FER1L6: variants seen among roughly 807,000 people sequenced by gnomAD.
FER1L6 encodes the protein fer-1-like protein 6.
FER1L6 carries 177 observed loss-of-function variants against 219.2 expected under a neutral mutation model. That is an observed-to-expected ratio of 0.81 (90% confidence interval 0.71 to 0.91). The LOEUF is 0.91. Among genes scored for constraint, FER1L6 ranks in the 40% least tolerant of loss-of-function variants. The probability of loss-of-function intolerance (pLI) is 0.00; values close to 1 mark genes in which losing one functional copy is unlikely to be tolerated. For synonymous variants in FER1L6, 768 were observed against 824.3 expected (o/e 0.93, Z 1.17); for missense variants, 2,153 against 2,259.9 (o/e 0.95, Z 0.96).
chr8:124,102,538 G>A (rs1325757488), intron 38 of FER1L6, among the ~76,000 whole-genome samples: 4 of 152,152 alleles, frequency 2.6e-5, no homozygotes, highest in Non-Finnish European at 5.9e-5. Context: ...TATATGCTCT[G>A]AATTTTCCAT....
intron 1 of FER1L6, among the ~76,000 whole-genome samples, chr8:123,896,803 A>G (rs61030560): frequency 0.39 from 59,424 of 151,926 alleles, 11,948 homozygotes; most frequent in African/African-American, 0.44. Flanking sequence ...CTGATAACTC[A>G]CAAACTCATG....
intron 12 of FER1L6, among the ~76,000 whole-genome samples, chr8:123,999,918 A>G (rs1016913357): frequency 6.6e-6 from 1 of 152,168 alleles, no homozygotes; most frequent in African/African-American, 2.4e-5. Context: ...TGTGCACCCC[A>G]AGTCCACTGT....
intron 18 of FER1L6, among the ~76,000 whole-genome samples, chr8:124,030,163 AC>A (rs1478071789): frequency 6.6e-6 from 1 of 152,020 alleles, no homozygotes; most frequent in Non-Finnish European, 1.5e-5. Flanking sequence ...AACATCTTTA[AC>A]TTTTTAAGCC....
At chr8:123,994,146 G>A (rs1817007733) in intron 12 of FER1L6, among the ~76,000 whole-genome samples, 1 of 152,230 alleles carries the variant, frequency 6.6e-6, no homozygotes, top group African/African-American at 2.4e-5. Flanking sequence ...CTGCAGTGGT[G>A]GTGGTGGGAT....
chr8:123,958,827 T>C (rs949969467), intron 2 of FER1L6, among the ~76,000 whole-genome samples: 1 of 151,554 alleles, frequency 6.6e-6, no homozygotes, highest in African/African-American at 2.4e-5. Flanking sequence ...GGGAGCCCAC[T>C]GGGCGATGGG....
At chr8:123,966,418 G>A in intron 5 of FER1L6, 128 bp downstream of exon 5, 1 of 1,183,564 alleles carries the variant, frequency 8.4e-7, no homozygotes, top group Admixed American at 2.5e-5. Flanking sequence ...TTAAGCCCAT[G>A]GCAAACTGAT....
chr8:124,081,069 T>TTAAG (rs1409327312), intron 32 of FER1L6, among the ~76,000 whole-genome samples: 2 of 151,952 alleles, frequency 1.3e-5, no homozygotes, highest in East Asian at 3.9e-4. Context: ...AGTGTCAGGG[T>TTAAG]TAAGTGGATC....
chr8:124,082,086 T>G (rs963260629), intron 32 of FER1L6, among the ~76,000 whole-genome samples: 1 of 152,184 alleles, frequency 6.6e-6, no homozygotes, highest in African/African-American at 2.4e-5. Context: ...GATTATTGGC[T>G]ATTTGAAATT....
chr8:123,941,868 T>G (rs1814256307), intron 1 of FER1L6, among the ~76,000 whole-genome samples: 1 of 152,092 alleles, frequency 6.6e-6, no homozygotes, highest in Non-Finnish European at 1.5e-5. Context: ...GGGTTCCAGC[T>G]CTTGCAGTGC....
At chr8:124,087,976 G>A (rs935994940) in intron 33 of FER1L6, among the ~76,000 whole-genome samples, 2 of 152,122 alleles carry the variant, frequency 1.3e-5, no homozygotes, top group African/African-American at 4.8e-5. Context: ...GCTGGGGGAG[G>A]GGTGACACAC....
chr8:124,073,894 G>T (rs1821176321), intron 31 of FER1L6, among the ~76,000 whole-genome samples: 1 of 152,216 alleles, frequency 6.6e-6, no homozygotes. Flanking sequence ...GATGTGACAA[G>T]AAGAAATGGG....
intron 10 of FER1L6, among the ~76,000 whole-genome samples, chr8:123,980,128 A>G (rs566791257): frequency 6.6e-6 from 1 of 152,318 alleles, no homozygotes; most frequent in African/African-American, 2.4e-5. Flanking sequence ...TTTGTTCTCC[A>G]GCAGGCTCTG....
At chr8:123,993,886 C>T (rs896675673) in intron 12 of FER1L6, among the ~76,000 whole-genome samples, 1 of 152,182 alleles carries the variant, frequency 6.6e-6, no homozygotes, top group Non-Finnish European at 1.5e-5. Context: ...GATGTAGACT[C>T]TGTGAGATTC....
chr8:123,903,117 A>G (rs926625019), intron 1 of FER1L6, among the ~76,000 whole-genome samples: 2 of 152,108 alleles, frequency 1.3e-5, no homozygotes, highest in Non-Finnish European at 2.9e-5. Context: ...ATTGTTGCCA[A>G]TTTTAATGTT....
At chr8:124,062,847 C>A (rs73328397) in intron 25 of FER1L6, among the ~76,000 whole-genome samples, 3,660 of 141,396 alleles carry the variant, frequency 0.026, 132 homozygotes, top group African/African-American at 0.086. Flanking sequence ...GCGCCAGGGG[C>A]CACTCCAGAG....
At chr8:123,958,380 C>T (rs949731089) in intron 2 of FER1L6, among the ~76,000 whole-genome samples, 4 of 152,110 alleles carry the variant, frequency 2.6e-5, no homozygotes, top group African/African-American at 4.8e-5. Flanking sequence ...CAGCAGGAGG[C>T]GTGGGAGGGA....
chr8:124,039,911 A>G lies in FER1L6; in HGVS notation c.2494A>G (p.Met832Val), dbSNP rs751111253. Reference sequence around the variant, plus strand: ...GCATGTTTTTCAGCTGAGGGCTCACATGTACCAAGCCCGGGGCCTCATCGC... The same window carrying G: ...GCATGTTTTTCAGCTGAGGGCTCACGTGTACCAAGCCCGGGGCCTCATCGC... ...EQHVFQLRAH[M>V]YQARGLIAAD... Residue 832 changes from methionine (M) to valine (V), a missense_variant, in exon 20 of 41, where the codon ATG becomes GTG. By Grantham distance (21) the Met-to-Val change is conservative. Transcript: ENST00000522917. 7.4e-6 allele frequency: 12 copies of G among 1,613,988 alleles called. No individual in the cohort carries two copies. In the African/African-American group the frequency reaches 1.1e-4, roughly 14 times the overall value.
At chr8:123,935,138 T>C (rs55921480) in intron 1 of FER1L6, among the ~76,000 whole-genome samples, 34,878 of 152,248 alleles carry the variant, frequency 0.23, 5,019 homozygotes, top group East Asian at 0.48. Context: ...TAAGTTTTTT[T>C]CTTTTATTTC....
chr8:124,101,236 A>G lies in FER1L6; in HGVS notation c.5023A>G (p.Arg1675Gly), dbSNP rs1485287889. 1 of 1,613,872 alleles carries G rather than the reference A, an allele frequency of 6.2e-7. No homozygotes were observed. Among genetic ancestry groups the G allele is most frequent in the East Asian group, 2.2e-5 (1 of 44,824 alleles). ...PAEKQMVITK[R>G]ENIFSLEKME... ...TGAGAAGCAAATGGTCATTACCAAGAGGGAGAACATCTTCTCTTTAGAGAA... is the reference window on the plus strand; with the variant it reads ...TGAGAAGCAAATGGTCATTACCAAGGGGGAGAACATCTTCTCTTTAGAGAA... The change falls in exon 38 of 41, where the codon AGG becomes GGG. Residue 1675 changes from arginine (R) to glycine (G), a missense_variant. Arg to Gly is a moderately radical substitution (Grantham distance 125). Coordinates refer to ENST00000522917, the MANE Select transcript of FER1L6 (RefSeq NM_001039112.2).
Sources: gnomAD v4.1 joint callset for allele counts (sites outside exome capture counted in the v4.1 genomes callset) on GRCh38, gnomAD v4.1.1 for gene constraint, MANE v1.5 for transcripts, NCBI Gene and HGNC (gene_info 2026-07-23, HGNC 2026-07-21) for gene names.